The following SCN9A variants were observed in gnomAD, a reference collection of about 807,000 sequenced individuals.
SCN9A encodes the protein sodium voltage-gated channel alpha subunit 9, also known as sodium channel protein type 9 subunit alpha.
SCN9A carries 131 observed loss-of-function variants against 187.0 expected under a neutral mutation model. That is an observed-to-expected ratio of 0.70 (90% CI 0.61 to 0.81). SCN9A has a LOEUF of 0.81. Among genes scored for constraint, SCN9A ranks in the 30% least tolerant of loss-of-function variants. SCN9A has a pLI of 0.00. For missense variants in SCN9A, 2,252 were observed against 2,396.6 expected (o/e 0.94, Z 1.26); for synonymous variants, 809 against 808.6 (o/e 1.00, Z -0.01).
intron 17 of SCN9A, among the ~76,000 whole-genome samples, chr2:166,258,956 C>G (rs769625835): frequency 5.3e-5 from 8 of 151,604 alleles, no homozygotes; most frequent in African/African-American, 9.7e-5. Context: ...CTTTTATAAT[C>G]AATTCAATAA....
intron 1 of SCN9A, among the ~76,000 whole-genome samples, chr2:166,314,042 C>A (rs1208200769): frequency 2.0e-5 from 3 of 152,126 alleles, no homozygotes; most frequent in Non-Finnish European, 4.4e-5. Context: ...GGATGTGGTT[C>A]ATAGCACCCC....
At chr2:166,238,525 G>T (rs1461429178) in intron 19 of SCN9A, among the ~76,000 whole-genome samples, 1 of 152,166 alleles carries the variant, frequency 6.6e-6, no homozygotes, top group Non-Finnish European at 1.5e-5. Flanking sequence ...AAAGACTCAT[G>T]ATCTCTGACA....
intron 24 of SCN9A, among the ~76,000 whole-genome samples, chr2:166,212,346 T>C (rs534259618): frequency 1.1e-3 from 168 of 152,168 alleles, no homozygotes; most frequent in Non-Finnish European, 1.8e-3. Context: ...CCTGTAATTA[T>C]ATCAGCCAAA....
At chr2:166,265,966 A>G (rs73021678) in intron 17 of SCN9A, among the ~76,000 whole-genome samples, 1,921 of 151,776 alleles carry the variant, frequency 0.013, 46 homozygotes, top group African/African-American at 0.043. Flanking sequence ...ATATTAACCC[A>G]TTATCAGATG....
intron 17 of SCN9A, among the ~76,000 whole-genome samples, chr2:166,252,484 C>G (rs553224312): frequency 1.3e-5 from 2 of 151,888 alleles, no homozygotes; most frequent in African/African-American, 4.8e-5. Flanking sequence ...AAATCAAATA[C>G]GGTTTTGAAA....
chr2:166,326,463 G>T (rs1699365969), intron 1 of SCN9A, among the ~76,000 whole-genome samples: 1 of 152,124 alleles, frequency 6.6e-6, no homozygotes, highest in Admixed American at 6.5e-5. Context: ...AGCTGTCAGG[G>T]TTACACTTAT....
chr2:166,356,870 C>T (rs912692025), intron 1 of SCN9A, among the ~76,000 whole-genome samples: 21 of 152,188 alleles, frequency 1.4e-4, no homozygotes, highest in Non-Finnish European at 2.8e-4. Context: ...CATTCCCACA[C>T]TGTAGAACAT....
intron 8 of SCN9A, among the ~76,000 whole-genome samples, chr2:166,293,888 T>G (rs879431215): frequency 3.3e-4 from 50 of 152,186 alleles, no homozygotes; most frequent in Admixed American, 2.2e-3. Context: ...CTTTTTTCTT[T>G]CTAAAATTGG....
intron 24 of SCN9A, among the ~76,000 whole-genome samples, chr2:166,211,205 T>A (rs546308675): frequency 2.2e-4 from 34 of 152,044 alleles, no homozygotes; most frequent in Non-Finnish European, 4.6e-4. Flanking sequence ...GATTTCTCAG[T>A]GGAAACTTTA....
At chr2:166,338,557 CT>C (rs1181287758) in intron 1 of SCN9A, among the ~76,000 whole-genome samples, 6 of 152,192 alleles carry the variant, frequency 3.9e-5, no homozygotes, top group African/African-American at 7.2e-5. Context: ...CTTGTACCCC[CT>C]GCCCCACTTC....
intron 9 of SCN9A, among the ~76,000 whole-genome samples, chr2:166,289,499 C>T (rs1048247682): frequency 3.9e-5 from 6 of 152,094 alleles, no homozygotes; most frequent in Non-Finnish European, 7.4e-5. Flanking sequence ...CATGTCCCTG[C>T]AAAGGACATG....
At chr2:166,281,561 A>G in intron 13 of SCN9A, 118 bp downstream of exon 13, 1 of 886,308 alleles carries the variant, frequency 1.1e-6, no homozygotes, top group Non-Finnish European at 1.7e-6. Flanking sequence ...ACCATCATTT[A>G]AAACCATTTT....
chr2:166,283,999 C>T (rs932701754), intron 12 of SCN9A, among the ~76,000 whole-genome samples: 5 of 152,100 alleles, frequency 3.3e-5, no homozygotes, highest in Admixed American at 2.6e-4. Flanking sequence ...TATGTGTTTG[C>T]TGTTATTAAC....
intron 1 of SCN9A, among the ~76,000 whole-genome samples, chr2:166,344,735 T>C (rs554799633): frequency 1.3e-5 from 2 of 152,234 alleles, no homozygotes; most frequent in African/African-American, 4.8e-5. Flanking sequence ...CTACAATCCT[T>C]TGTGCAAACA....
chr2:166,272,483 C>G lies in SCN9A; in HGVS notation c.3267G>C (p.Val1089=), dbSNP rs1697037801. 2 of 1,612,736 alleles carry G rather than the reference C, an allele frequency of 1.2e-6. No individual in the cohort carries two copies. The highest frequency in any genetic ancestry group is 1.7e-6 in the Non-Finnish European group (2 of 1,179,452). Residue 1089 remains valine, a synonymous_variant, in exon 17 of 27, where the codon GTG becomes GTC. Coordinates refer to ENST00000642356, the MANE Select transcript of SCN9A (RefSeq NM_001365536.1). ...FIHNPSLTVT[V]PIAPGESDLE... is the part of the protein sequence containing the mutation. ...AATCGGATTCCCCAGGTGCAATTGG[C>G]ACTGTCACTGTGAGGCTGGGATTGT...
rs1053836186 is a variant in SCN9A at position 166,289,350 on chromosome 2, G to A, written c.1108-707C>T. Reference sequence around the variant, plus strand: ...ATTCCTCCCTTTGCCCCCCACCACCGACAGGCCCCAGTGTGTGATGATCTT... The same window carrying A: ...ATTCCTCCCTTTGCCCCCCACCACCAACAGGCCCCAGTGTGTGATGATCTT... On this transcript the variant is annotated intron_variant, in intron 9 of 26. Transcript: ENST00000642356. Among the ~76,000 whole-genome samples the A allele has an allele frequency of 3.3e-5, 5 of 151,536 alleles. No individual in the cohort carries two copies. In the South Asian group the frequency reaches 8.4e-4, roughly 26 times the overall value.
intron 18 of SCN9A, among the ~76,000 whole-genome samples, chr2:166,250,091 A>G (rs1456554479): frequency 6.6e-6 from 1 of 152,156 alleles, no homozygotes; most frequent in African/African-American, 2.4e-5. Context: ...CTTCTTACAT[A>G]AAATGATATT....
intron 2 of SCN9A, among the ~76,000 whole-genome samples, chr2:166,310,579 A>G (rs1698909783): frequency 1.1e-5 from 1 of 93,514 alleles, no homozygotes; most frequent in Non-Finnish European, 2.2e-5. Context: ...TTAGAATGGC[A>G]ATCATTAAAA....
intron 24 of SCN9A, among the ~76,000 whole-genome samples, chr2:166,214,546 G>A (rs1211045637): frequency 2.7e-5 from 2 of 74,208 alleles, no homozygotes; most frequent in Non-Finnish European, 4.5e-5. Flanking sequence ...TCGCTGTCTC[G>A]CTCTGTCGCC....
Sources: gnomAD v4.1 joint callset for allele counts (sites outside exome capture counted in the v4.1 genomes callset) on GRCh38, gnomAD v4.1.1 for gene constraint, MANE v1.5 for transcripts, NCBI Gene and HGNC (gene_info 2026-07-23, HGNC 2026-07-21) for gene names.